The following TCF12 variants were observed in gnomAD, a reference collection of about 807,000 sequenced individuals.
TCF12 encodes the protein DNA-binding protein HTF4.
A neutral mutation model predicts 86.0 loss-of-function variants in TCF12; 45 were observed. The ratio of observed to expected loss-of-function variants is 0.52; its 90% CI spans 0.41 to 0.67. The LOEUF (loss-of-function observed/expected upper bound fraction) is 0.67. Ranked by LOEUF, TCF12 falls within the 30% of genes least tolerant of loss-of-function variation. The pLI is 0.00. For missense variants in TCF12, 881 were observed against 859.9 expected (o/e 1.02, Z -0.31); for synonymous variants, 330 against 299.6 (o/e 1.10, Z -1.05).
intron 3 of TCF12, among the ~76,000 whole-genome samples, chr15:57,061,627 C>T (rs1403327369): frequency 6.6e-6 from 1 of 152,012 alleles, no homozygotes; most frequent in Admixed American, 6.5e-5. Flanking sequence ...AATTAAAATA[C>T]ACATAAGCCT....
At position 56,970,039 on chromosome 15, in the gene TCF12, T is replaced by A. The variant is rs188670496; in HGVS notation, c.148+48941T>A. 1.4e-4 allele frequency among the ~76,000 whole-genome samples: 21 copies of A among 152,308 alleles called. No individual in the cohort carries two copies. In the East Asian group the frequency reaches 3.5e-3, roughly 25 times the overall value. On this transcript the variant is annotated intron_variant, in intron 3 of 20. Coordinates refer to ENST00000333725, the MANE Select transcript of TCF12 (RefSeq NM_207037.2). ...CATTTAGTCTGTCTCATTTTGTGAA[T>A]TAGATTTTTAAAAAAGGTCATGTGG...
At chr15:57,210,984 C>T (rs2058080008) in intron 8 of TCF12, among the ~76,000 whole-genome samples, 1 of 152,300 alleles carries the variant, frequency 6.6e-6, no homozygotes, top group South Asian at 2.1e-4. Context: ...GATGAGCTCC[C>T]ATATTGACTC....
At chr15:57,162,100 G>T (rs571775448) in intron 5 of TCF12, among the ~76,000 whole-genome samples, 2 of 152,184 alleles carry the variant, frequency 1.3e-5, no homozygotes, top group Admixed American at 6.5e-5. Flanking sequence ...CTATCCCAGA[G>T]AATTCTTTGT....
At chr15:57,200,556 T>C (rs2057491012) in intron 8 of TCF12, among the ~76,000 whole-genome samples, 1 of 152,226 alleles carries the variant, frequency 6.6e-6, no homozygotes. Flanking sequence ...ATCAGTTTCC[T>C]ACTTGTTCAT....
intron 3 of TCF12, among the ~76,000 whole-genome samples, chr15:56,939,969 T>A (rs1430520672): frequency 4.6e-5 from 2 of 43,476 alleles, no homozygotes; most frequent in Admixed American, 6.5e-4. Context: ...AATAGCGTGT[T>A]TTTTTTTTTT....
At chr15:57,001,227 C>T in intron 3 of TCF12, 1 of 160,860 alleles carries the variant, frequency 6.2e-6, no homozygotes, top group Non-Finnish European at 1.4e-5. Flanking sequence ...GTTGGCCAGG[C>T]TGGTCTTGAA....
chr15:57,159,427 C>G (rs535633512), intron 5 of TCF12, among the ~76,000 whole-genome samples: 1 of 152,026 alleles, frequency 6.6e-6, no homozygotes, highest in Non-Finnish European at 1.5e-5. Flanking sequence ...AGGTTCTCCA[C>G]GAGCAAAAAG....
chr15:57,241,854 T>G (rs537475636), intron 12 of TCF12, among the ~76,000 whole-genome samples: 1 of 152,054 alleles, frequency 6.6e-6, no homozygotes, highest in South Asian at 2.1e-4. Context: ...TTAGCCAGGC[T>G]TGGTGGCACG....
chr15:57,184,180 A>G (rs2056529614), intron 6 of TCF12, among the ~76,000 whole-genome samples: 1 of 152,152 alleles, frequency 6.6e-6, no homozygotes, highest in Non-Finnish European at 1.5e-5. Context: ...CCAGATAACA[A>G]ATATTTTAGG....
chr15:56,928,416 G>A (rs2060108447), intron 3 of TCF12, among the ~76,000 whole-genome samples: 1 of 152,066 alleles, frequency 6.6e-6, no homozygotes, highest in African/African-American at 2.4e-5. Context: ...ACTAGGCATT[G>A]TGATAAGCAA....
intron 5 of TCF12, among the ~76,000 whole-genome samples, chr15:57,129,573 T>G (rs1481466690): frequency 6.6e-6 from 1 of 152,124 alleles, no homozygotes; most frequent in Non-Finnish European, 1.5e-5. Context: ...TGAGCATAAT[T>G]TCATGGGTTT....
intron 8 of TCF12, 142 bp downstream of exon 8, chr15:57,197,967 AT>A (rs1259539147): frequency 7.6e-6 from 6 of 788,320 alleles, no homozygotes; most frequent in Middle Eastern, 2.4e-4. Flanking sequence ...AAAATCATTG[AT>A]TGAGGTAAAT....
At chr15:56,986,728 T>G (rs1652741) in intron 3 of TCF12, among the ~76,000 whole-genome samples, 40,517 of 152,104 alleles carry the variant, frequency 0.27, 5,622 homozygotes, top group African/African-American at 0.34. Context: ...TACTAAATAC[T>G]TGTCTGCATT....
chr15:56,930,118 C>G (rs1263066195), intron 3 of TCF12, among the ~76,000 whole-genome samples: 1 of 152,168 alleles, frequency 6.6e-6, no homozygotes, highest in African/African-American at 2.4e-5. Flanking sequence ...CTACTCCAGT[C>G]AGTGAGTGAA....
At chr15:56,979,886 CTG>C (rs1470220904) in intron 3 of TCF12, among the ~76,000 whole-genome samples, 2 of 152,222 alleles carry the variant, frequency 1.3e-5, no homozygotes, top group Admixed American at 1.3e-4. Context: ...ATTGGATACT[CTG>C]TGTAATGTAA....
intron 3 of TCF12, among the ~76,000 whole-genome samples, chr15:57,004,265 C>G (rs1244339265): frequency 1.4e-5 from 2 of 147,536 alleles, no homozygotes; most frequent in African/African-American, 5.0e-5. Context: ...TGGAGTTTTG[C>G]TCTTGTAGCC....
chr15:57,167,692 G>T (rs1054765991), intron 6 of TCF12, among the ~76,000 whole-genome samples: 3 of 152,108 alleles, frequency 2.0e-5, no homozygotes, highest in Non-Finnish European at 4.4e-5. Context: ...TGGCAAATAG[G>T]CATGGTCTGA....
At chr15:56,999,947 C>T (rs2063926771) in intron 3 of TCF12, among the ~76,000 whole-genome samples, 1 of 152,092 alleles carries the variant, frequency 6.6e-6, no homozygotes, top group South Asian at 2.1e-4. Flanking sequence ...GTGATCCACC[C>T]ACCTCAGCCT....
At chr15:56,921,753 G>C (rs1193017476) in intron 3 of TCF12, among the ~76,000 whole-genome samples, 1 of 151,770 alleles carries the variant, frequency 6.6e-6, no homozygotes, top group African/African-American at 2.4e-5. Context: ...CTCTTTGATG[G>C]GTGCTTTTTA....
Sources: gnomAD v4.1 joint callset for allele counts (sites outside exome capture counted in the v4.1 genomes callset) on GRCh38, gnomAD v4.1.1 for gene constraint, MANE v1.5 for transcripts, NCBI Gene and HGNC (gene_info 2026-07-23, HGNC 2026-07-21) for gene names.